Variants in TENM3 observed in about 807,000 individuals in gnomAD.
TENM3 encodes teneurin transmembrane protein 3.
Under a neutral mutation model 255.1 loss-of-function variants are expected in TENM3, and 63 were observed. The observed-to-expected ratio is 0.25, with a 90% CI of 0.20 to 0.30. The LOEUF (loss-of-function observed/expected upper bound fraction) is 0.30. Among genes scored for constraint, TENM3 ranks in the 10% least tolerant of loss-of-function variants. The pLI is 1.00. For synonymous variants in TENM3, 1,306 were observed against 1,322.3 expected, an observed-to-expected ratio of 0.99 and a Z score of 0.27; for missense variants, 2,929 against 3,461.1, an observed-to-expected ratio of 0.85 and a Z score of 3.86.
At chr4:181,712,178 C>A in the TENM3 span, among the ~76,000 whole-genome samples, 20 of 152,206 alleles carry the variant, frequency 1.3e-4, no homozygotes, top group African/African-American at 4.1e-4. Context: ...GGTTCTGATA[C>A]CTTCTGTAGA....
chr4:181,833,546 A>C, the TENM3 span, among the ~76,000 whole-genome samples: 1 of 152,090 alleles, frequency 6.6e-6, no homozygotes, highest in East Asian at 1.9e-4. Context: ...TTCCAAGGCT[A>C]CTCAGGCCAT....
chr4:181,952,521 G>T, the TENM3 span, among the ~76,000 whole-genome samples: 2 of 152,218 alleles, frequency 1.3e-5, no homozygotes, highest in Non-Finnish European at 2.9e-5. Context: ...GAGACAAAAT[G>T]TTGTAAAGTG....
At chr4:181,650,331 A>G in the TENM3 span, among the ~76,000 whole-genome samples, 290 of 152,312 alleles carry the variant, frequency 1.9e-3, 1 homozygote, top group African/African-American at 6.8e-3. Flanking sequence ...ACAGAGCATA[A>G]ACAAAGCATG....
the TENM3 span, among the ~76,000 whole-genome samples, chr4:181,821,320 C>G: frequency 2.0e-5 from 3 of 152,180 alleles, no homozygotes; most frequent in African/African-American, 7.2e-5. Context: ...CCAGATTCCA[C>G]TGGAAGGAAA....
chr4:181,614,551 T>G, the TENM3 span, among the ~76,000 whole-genome samples: 2 of 152,222 alleles, frequency 1.3e-5, no homozygotes, highest in African/African-American at 4.8e-5. Flanking sequence ...AAAGGCAATC[T>G]TGCCCAAGGA....
chr4:181,521,207 C>A, the TENM3 span, among the ~76,000 whole-genome samples: 1 of 152,354 alleles, frequency 6.6e-6, no homozygotes, highest in Non-Finnish European at 1.5e-5. Flanking sequence ...GCACCTTCTA[C>A]AACACTTGAA....
chr4:182,563,729 T>A (rs1252595338), intron 3 of TENM3, among the ~76,000 whole-genome samples: 1 of 152,160 alleles, frequency 6.6e-6, no homozygotes, highest in Non-Finnish European at 1.5e-5. Context: ...TAAGATAAAA[T>A]GAGAGGCAAA....
At chr4:182,174,063 A>C (rs1188831155) in intron 1 of TENM3, among the ~76,000 whole-genome samples, 1 of 152,050 alleles carries the variant, frequency 6.6e-6, no homozygotes, top group Non-Finnish European at 1.5e-5. Context: ...TTGATAACTA[A>C]AAAATTGTTT....
the TENM3 span, among the ~76,000 whole-genome samples, chr4:181,572,528 T>C: frequency 6.6e-6 from 1 of 152,188 alleles, no homozygotes; most frequent in Non-Finnish European, 1.5e-5. Context: ...TGATTTGAAC[T>C]TGCTACTTTC....
At chr4:182,078,011 A>G in the TENM3 span, among the ~76,000 whole-genome samples, 1 of 152,186 alleles carries the variant, frequency 6.6e-6, no homozygotes, top group Non-Finnish European at 1.5e-5. Flanking sequence ...TCGTTCCAGC[A>G]TATTGGATAT....
intron 12 of TENM3, among the ~76,000 whole-genome samples, chr4:182,700,995 T>C (rs1757810995): frequency 6.6e-6 from 1 of 151,966 alleles, no homozygotes. Flanking sequence ...CTCCACCACT[T>C]AGTGCACGAG....
the TENM3 span, among the ~76,000 whole-genome samples, chr4:182,098,955 C>CTTCTT: frequency 1.5e-5 from 2 of 133,830 alleles, no homozygotes; most frequent in African/African-American, 2.9e-5. Flanking sequence ...GTGCACAACT[C>CTTCTT]TTTTTTTCTT....
the TENM3 span, chr4:181,905,665 T>TATTC: frequency 5.9e-6 from 1 of 169,294 alleles, no homozygotes; most frequent in Middle Eastern, 2.6e-3. Flanking sequence ...ACTATTTATT[T>TATTC]ATTTATTCAT....
intron 1 of TENM3, among the ~76,000 whole-genome samples, chr4:182,216,100 C>T (rs139200652): frequency 1.3e-5 from 2 of 152,292 alleles, no homozygotes; most frequent in Middle Eastern, 3.4e-3. Flanking sequence ...ATAATCCACA[C>T]GTAATCATTA....
intron 24 of TENM3, among the ~76,000 whole-genome samples, chr4:182,783,381 G>GC (rs1440722470): frequency 5.9e-5 from 9 of 152,154 alleles, no homozygotes; most frequent in Admixed American, 2.6e-4. Context: ...TTGAATATTG[G>GC]CCCCCACTCT....
chr4:181,664,705 C>G, the TENM3 span, among the ~76,000 whole-genome samples: 2 of 152,128 alleles, frequency 1.3e-5, no homozygotes, highest in Non-Finnish European at 2.9e-5. Context: ...GTGCACCCCT[C>G]TCATTCACAG....
At chr4:181,870,783 A>G in the TENM3 span, among the ~76,000 whole-genome samples, 13 of 152,074 alleles carry the variant, frequency 8.5e-5, no homozygotes, top group African/African-American at 3.1e-4. Flanking sequence ...ATGATGCCTT[A>G]TGATAAATAG....
chr4:182,430,286 C>G (rs914057294), intron 3 of TENM3, among the ~76,000 whole-genome samples: 1 of 152,202 alleles, frequency 6.6e-6, no homozygotes, highest in African/African-American at 2.4e-5. Flanking sequence ...CAGTGGCTCA[C>G]GCCTGTAATC....
intron 3 of TENM3, among the ~76,000 whole-genome samples, chr4:182,481,046 T>C (rs1420695558): frequency 6.6e-6 from 1 of 152,012 alleles, no homozygotes; most frequent in Admixed American, 6.5e-5. Flanking sequence ...AATCCTCTTA[T>C]CTATTGCTTG....
Sources: allele counts gnomAD v4.1 joint callset (sites outside exome capture counted in the v4.1 genomes callset), GRCh38; gene constraint gnomAD v4.1.1; transcripts MANE v1.5; gene names NCBI Gene and HGNC (gene_info 2026-07-23, HGNC 2026-07-21).